Variants in SLC1A2 observed in about 807,000 individuals in gnomAD.
SLC1A2 encodes solute carrier family 1 member 2.
A neutral mutation model predicts 48.8 loss-of-function variants in SLC1A2; 15 were observed. The ratio of observed to expected loss-of-function variants is 0.31; its 90% CI spans 0.21 to 0.47. The LOEUF (loss-of-function observed/expected upper bound fraction) is 0.47. Among genes scored for constraint, SLC1A2 ranks in the 20% least tolerant of loss-of-function variants. SLC1A2 has a pLI of 0.99. For missense variants in SLC1A2, 502 were observed against 730.5 expected (o/e 0.69, Z 3.61); for synonymous variants, 279 against 272.6 (o/e 1.02, Z -0.23).
chr11:35,332,289 C>A (rs1240893647), intron 1 of SLC1A2, among the ~76,000 whole-genome samples: 1 of 152,198 alleles, frequency 6.6e-6, no homozygotes, highest in Non-Finnish European at 1.5e-5. Context: ...GCTACCGGGT[C>A]ATCAACACCA....
intron 1 of SLC1A2, among the ~76,000 whole-genome samples, chr11:35,377,587 C>A (rs550410716): frequency 6.6e-6 from 1 of 152,184 alleles, no homozygotes; most frequent in African/African-American, 2.4e-5. Flanking sequence ...GCCCACACAT[C>A]CCTGATGGCC....
At chr11:35,344,091 G>A (rs1190065669) in intron 1 of SLC1A2, among the ~76,000 whole-genome samples, 1 of 151,702 alleles carries the variant, frequency 6.6e-6, no homozygotes, top group Non-Finnish European at 1.5e-5. Context: ...TATAATCAAA[G>A]TTATTAATTT....
chr11:35,371,105 C>A, intron 1 of SLC1A2: 1 of 949,198 alleles, frequency 1.1e-6, no homozygotes, highest in Non-Finnish European at 1.2e-6. Flanking sequence ...ACCTGTAGGC[C>A]AGGTGGCTAC....
intron 1 of SLC1A2, among the ~76,000 whole-genome samples, chr11:35,374,993 A>C (rs1207384629): frequency 2.6e-5 from 4 of 152,250 alleles, no homozygotes; most frequent in South Asian, 2.1e-4. Context: ...ATTTTACCAT[A>C]GTTTAATTGA....
At chr11:35,332,867 A>G (rs937301324) in intron 1 of SLC1A2, among the ~76,000 whole-genome samples, 1 of 152,142 alleles carries the variant, frequency 6.6e-6, no homozygotes, top group African/African-American at 2.4e-5. Flanking sequence ...ATGCAATACA[A>G]TTTCATTATA....
chr11:35,385,308 A>G (rs1054839569), intron 1 of SLC1A2, among the ~76,000 whole-genome samples: 3 of 152,218 alleles, frequency 2.0e-5, no homozygotes, highest in African/African-American at 7.2e-5. Flanking sequence ...TGACAAGCAC[A>G]TATCAGATGG....
At chr11:35,302,781 G>A (rs755970946) in intron 5 of SLC1A2, among the ~76,000 whole-genome samples, 2 of 151,292 alleles carry the variant, frequency 1.3e-5, no homozygotes, top group Admixed American at 6.6e-5. Context: ...CAGGGACTGG[G>A]GCACATTGTG....
At chr11:35,402,455 C>G (rs1315543751) in intron 1 of SLC1A2, among the ~76,000 whole-genome samples, 1 of 152,186 alleles carries the variant, frequency 6.6e-6, no homozygotes, top group East Asian at 1.9e-4. Flanking sequence ...CCGAGCCCTT[C>G]CCTGATACCT....
In SLC1A2 at chr11:35,252,633, C is replaced by T. The variant is rs1950254290; in HGVS notation, c.*8261G>A. 1 of 152,134 alleles carries T rather than the reference C, an allele frequency of 6.6e-6. No individual in the cohort carries two copies. 9.4% of individuals were successfully genotyped at this position (152,134 alleles called of 1,614,324 possible). A position where few individuals can be genotyped will look rare whatever the true frequency, so the allele number is the denominator to read the frequency against. On this transcript the variant is annotated 3_prime_UTR_variant, in exon 11 of 11. Coordinates refer to ENST00000278379, the MANE Select transcript of SLC1A2 (RefSeq NM_004171.4). Reference sequence around the variant, plus strand: ...ATAAATTCTTCACTCATATATATTCCCAAGCCACACTGAGAAAGAGGAGAA... The same window carrying T: ...ATAAATTCTTCACTCATATATATTCTCAAGCCACACTGAGAAAGAGGAGAA...
intron 1 of SLC1A2, among the ~76,000 whole-genome samples, chr11:35,342,847 T>C (rs535248870): frequency 2.6e-5 from 4 of 152,292 alleles, no homozygotes; most frequent in African/African-American, 9.6e-5. Flanking sequence ...GAATGCAGCA[T>C]CTCTTTTCTG....
At chr11:35,335,181 G>T (rs1852583916) in intron 1 of SLC1A2, among the ~76,000 whole-genome samples, 1 of 152,148 alleles carries the variant, frequency 6.6e-6, no homozygotes, top group Non-Finnish European at 1.5e-5. Flanking sequence ...GGGGAAGTGT[G>T]TGTATTGTTG....
intron 1 of SLC1A2, among the ~76,000 whole-genome samples, chr11:35,416,237 A>G (rs1855600696): frequency 6.6e-6 from 1 of 152,240 alleles, no homozygotes; most frequent in Admixed American, 6.5e-5. Context: ...CTAAAAGGCA[A>G]TTTGCAGGAT....
chr11:35,356,060 TG>T (rs1565270957), intron 1 of SLC1A2, among the ~76,000 whole-genome samples: 3 of 152,198 alleles, frequency 2.0e-5, no homozygotes. Flanking sequence ...ACATGGTGCA[TG>T]GCCAACTGCC....
At chr11:35,281,069 T>C in intron 8 of SLC1A2, 68 bp from the exon 9 acceptor site, 1 of 1,459,386 alleles carries the variant, frequency 6.9e-7, no homozygotes. Context: ...CCTGGCAATT[T>C]TAAGCTCTAA....
At chr11:35,329,480 ACT>A (rs1057033933) in intron 1 of SLC1A2, among the ~76,000 whole-genome samples, 1 of 152,088 alleles carries the variant, frequency 6.6e-6, no homozygotes, top group African/African-American at 2.4e-5. Flanking sequence ...GTATATGGGA[ACT>A]CTCTGTACTT....
intron 1 of SLC1A2, among the ~76,000 whole-genome samples, chr11:35,344,606 C>G (rs1053922892): frequency 6.6e-6 from 1 of 152,206 alleles, no homozygotes; most frequent in African/African-American, 2.4e-5. Context: ...ATCCTTTGTT[C>G]TACTCCAACC....
At chr11:35,303,468 C>T (rs1171464057) in intron 5 of SLC1A2, among the ~76,000 whole-genome samples, 2 of 152,140 alleles carry the variant, frequency 1.3e-5, no homozygotes, top group African/African-American at 2.4e-5. Context: ...GAACTAGTTC[C>T]GCAGTAATGT....
chr11:35,385,395 C>G (rs1474971907), intron 1 of SLC1A2, among the ~76,000 whole-genome samples: 1 of 152,216 alleles, frequency 6.6e-6, no homozygotes, highest in Admixed American at 6.5e-5. Flanking sequence ...AACTGAGGCT[C>G]AGAGAAGTTA....
chr11:35,345,716 G>A (rs922424944), intron 1 of SLC1A2, among the ~76,000 whole-genome samples: 2 of 152,056 alleles, frequency 1.3e-5, no homozygotes, highest in South Asian at 4.1e-4. Flanking sequence ...CTTAAAAAAA[G>A]GTAAAGAAAT....
Sources: gnomAD v4.1 joint callset for allele counts (sites outside exome capture counted in the v4.1 genomes callset) on GRCh38, gnomAD v4.1.1 for gene constraint, MANE v1.5 for transcripts, NCBI Gene and HGNC (gene_info 2026-07-23, HGNC 2026-07-21) for gene names.